The following FRYL variants were observed in gnomAD, a reference collection of about 807,000 sequenced individuals.
The protein encoded by FRYL is FRY like transcription coactivator, also known as protein furry homolog-like.
A neutral mutation model predicts 351.2 loss-of-function variants in FRYL; 150 were observed. That is an observed-to-expected ratio of 0.43 (90% CI 0.37 to 0.49). The LOEUF is 0.49. FRYL is among the 20% of genes least tolerant of loss of function. The pLI is 0.00. For synonymous variants in FRYL, 1,153 were observed against 1,257.1 expected, an observed-to-expected ratio of 0.92 and a Z score of 1.75; for missense variants, 3,036 against 3,619.3, an observed-to-expected ratio of 0.84 and a Z score of 4.13.
At position 48,505,681 on chromosome 4, in the gene FRYL, A is replaced by ATTG. The variant is rs1233746464; in HGVS notation, c.8395-67_8395-66insCAA. 48 of 946,832 alleles carry ATTG rather than the reference A, an allele frequency of 5.1e-5. No homozygotes were observed. The African/African-American group carries it at 7.4e-4, about 15-fold the overall frequency. The allele number at this position is 946,832 out of a possible 1,614,324, so 58.7% of individuals were successfully genotyped here. On this transcript the variant is annotated intron_variant, in intron 59 of 63. Transcript: ENST00000358350. ...ATGGGTAGTGTAACAGCCTGTCCAT[A>ATTG]TACAACACCAAACTTAAAGTTAACT...
chr4:48,632,106 A>ATATGTG (rs1553957648), intron 4 of FRYL, among the ~76,000 whole-genome samples: 23 of 58,156 alleles, frequency 4.0e-4, no homozygotes, highest in South Asian at 2.3e-3. Context: ...ATATATATAT[A>ATATGTG]TATATATATA....
intron 27 of FRYL, among the ~76,000 whole-genome samples, chr4:48,569,305 CTTTCTTTTTT>C (rs1453495249): frequency 2.0e-5 from 3 of 152,192 alleles, no homozygotes; most frequent in East Asian, 3.9e-4. Context: ...GTATTTCTTT[CTTTCTTTTTT>C]TTTCTTTTGA....
chr4:48,505,439 C>A, intron 60 of FRYL, 108 bp downstream of exon 60: 7 of 674,334 alleles, frequency 1.0e-5, no homozygotes, highest in East Asian at 3.1e-5. Context: ...AAAAGTTTTA[C>A]AAATATTCTT....
At chr4:48,761,953 G>C (rs1774464222) in intron 1 of FRYL, among the ~76,000 whole-genome samples, 3 of 152,134 alleles carry the variant, frequency 2.0e-5, no homozygotes. Flanking sequence ...GATGACAGGA[G>C]GTGGGACCTT....
At chr4:48,640,668 T>C (rs762514973) in intron 3 of FRYL, among the ~76,000 whole-genome samples, 1 of 152,132 alleles carries the variant, frequency 6.6e-6, no homozygotes, top group African/African-American at 2.4e-5. Flanking sequence ...GTTTCAATAT[T>C]GTTTCATCAA....
intron 16 of FRYL, among the ~76,000 whole-genome samples, chr4:48,591,647 T>G (rs139032346): frequency 6.6e-6 from 1 of 152,194 alleles, no homozygotes; most frequent in Non-Finnish European, 1.5e-5. Context: ...CTCCCTGACC[T>G]GGGTATTAAA....
rs1718833216 is a variant in FRYL at position 48,498,305 on chromosome 4, G to A, written c.*1117C>T. 1 of 152,124 alleles carries A rather than the reference G, an allele frequency of 6.6e-6. No homozygotes were observed. The highest frequency in any genetic ancestry group is 2.4e-5 in the African/African-American group (1 of 41,428). 9.4% of individuals were successfully genotyped at this position (152,124 alleles called of 1,614,324 possible). On this transcript the variant is annotated 3_prime_UTR_variant, in exon 64 of 64. Coordinates refer to ENST00000358350, the MANE Select transcript of FRYL (RefSeq NM_015030.2). ...TGCAGCTCTTTTCTTGAATTCTGCA[G>A]ACTTCAAAGCCTGCAAGTCATATAT...
intron 1 of FRYL, among the ~76,000 whole-genome samples, chr4:48,750,147 A>G (rs1454702709): frequency 6.6e-6 from 1 of 150,884 alleles, no homozygotes; most frequent in Admixed American, 6.6e-5. Flanking sequence ...AAAAAAAAAA[A>G]AAAAAAGAAA....
intron 13 of FRYL, among the ~76,000 whole-genome samples, chr4:48,601,052 C>G (rs888199571): frequency 6.6e-6 from 1 of 152,058 alleles, no homozygotes; most frequent in Non-Finnish European, 1.5e-5. Flanking sequence ...ATGAAAAAGA[C>G]GTACAGGATA....
chr4:48,633,319 C>CT (rs1753624531), intron 4 of FRYL, among the ~76,000 whole-genome samples: 1 of 152,154 alleles, frequency 6.6e-6, no homozygotes, highest in Non-Finnish European at 1.5e-5. Flanking sequence ...TGCTGCTCTA[C>CT]GTCATTGGCA....
At position 48,576,120 on chromosome 4, in the gene FRYL, C is replaced by G. The variant is rs369198633; in HGVS notation, c.2631G>C (p.Ser877=). 1 of 1,613,710 alleles carries G rather than the reference C, an allele frequency of 6.2e-7. No homozygotes were observed. The highest frequency in any genetic ancestry group is 8.5e-7 in the Non-Finnish European group (1 of 1,179,888). Residue 877 remains serine, a synonymous_variant, in exon 24 of 64, where the codon TCG becomes TCC. Coordinates refer to ENST00000358350, the MANE Select transcript of FRYL (RefSeq NM_015030.2). ...CAGAACCTGCAGATGTGGAAGATGA[C>G]GATGTTGCTGCACTGCAGCAAAGGA... is the stretch of plus-strand genomic sequence containing the variant. ...YLILCCSAAT[S]SSSTSAGSVR... is the part of the protein sequence containing the mutation.
At chr4:48,766,579 G>A (rs1485137531) in intron 1 of FRYL, among the ~76,000 whole-genome samples, 1 of 152,142 alleles carries the variant, frequency 6.6e-6, no homozygotes, top group Non-Finnish European at 1.5e-5. Flanking sequence ...AAAGAGCCAT[G>A]ATCCACCCAG....
intron 1 of FRYL, among the ~76,000 whole-genome samples, chr4:48,739,726 TC>T (rs1771841624): frequency 6.6e-6 from 1 of 152,200 alleles, no homozygotes; most frequent in Non-Finnish European, 1.5e-5. Flanking sequence ...GGTTTGAATG[TC>T]TGCCTCCTCC....
At chr4:48,749,572 C>A (rs574867657) in intron 1 of FRYL, among the ~76,000 whole-genome samples, 2 of 152,234 alleles carry the variant, frequency 1.3e-5, no homozygotes, top group African/African-American at 4.8e-5. Flanking sequence ...TAATGACTTG[C>A]GGAGGATGGG....
chr4:48,572,678 C>T (rs1357644229), intron 26 of FRYL, among the ~76,000 whole-genome samples: 1 of 152,156 alleles, frequency 6.6e-6, no homozygotes, highest in Admixed American at 6.6e-5. Context: ...GTTTTCATAA[C>T]CATCTGTCCC....
At chr4:48,512,860 CCTGTT>C (rs1227967430) in intron 56 of FRYL, among the ~76,000 whole-genome samples, 172 bp from the exon 57 acceptor site, 2 of 152,138 alleles carry the variant, frequency 1.3e-5, no homozygotes, top group African/African-American at 4.8e-5. Flanking sequence ...TAAGTGAATT[CCTGTT>C]CTTTCTAGTT....
intron 2 of FRYL, among the ~76,000 whole-genome samples, chr4:48,706,374 G>GA (rs1767347069): frequency 6.6e-6 from 1 of 152,156 alleles, no homozygotes; most frequent in African/African-American, 2.4e-5. Flanking sequence ...TATCCTGGGT[G>GA]AAAAAAGCCA....
Position 48,540,060 on chromosome 4 carries a change from G to C in FRYL, c.6304C>G (p.Leu2102Val). The change falls in exon 47 of 64, where the codon CTT (leucine) becomes GTT (valine). Residue 2102 changes from leucine to valine, a missense_variant. Coordinates refer to ENST00000358350, the MANE Select transcript of FRYL (RefSeq NM_015030.2). Reference protein sequence around the residue: ...VDPSQLSGFPLNILCLLPHLI... With the variant: ...VDPSQLSGFPVNILCLLPHLI... ...TGAGGCAATAAGCAAAGGATGTTAA[G>C]AGGAAAGCCTATCAAAACAAAAAAA... is the stretch of plus-strand genomic sequence containing the variant. The C allele has an allele frequency of 1.2e-6, 2 of 1,610,528 alleles. No homozygotes were observed. Among genetic ancestry groups the C allele is most frequent in the South Asian group, 1.1e-5 (1 of 90,348 alleles).
intron 1 of FRYL, among the ~76,000 whole-genome samples, chr4:48,736,225 G>C (rs1403217141): frequency 6.6e-6 from 1 of 151,878 alleles, no homozygotes; most frequent in Non-Finnish European, 1.5e-5. Context: ...AAATGCTTAG[G>C]GGGAATTTTG....
Sources: gnomAD v4.1 joint callset for allele counts (sites outside exome capture counted in the v4.1 genomes callset) on GRCh38, gnomAD v4.1.1 for gene constraint, MANE v1.5 for transcripts, NCBI Gene and HGNC (gene_info 2026-07-23, HGNC 2026-07-21) for gene names.